Variants in NALF1 observed in about 807,000 individuals in gnomAD.
The protein encoded by NALF1 is NALCN channel auxiliary factor 1, also known as family with sequence similarity 155 member A.
Under a neutral mutation model 48.4 loss-of-function variants are expected in NALF1, and 3 were observed. The observed-to-expected ratio is 0.06, with a 90% CI of 0.03 to 0.16. The LOEUF (loss-of-function observed/expected upper bound fraction) is 0.16. Ranked by LOEUF, NALF1 falls within the 10% of genes least tolerant of loss-of-function variation. The pLI is 1.00. For missense variants in NALF1, 526 were observed against 571.5 expected (o/e 0.92, Z 0.81); for synonymous variants, 262 against 245.7 (o/e 1.07, Z -0.62).
intron 1 of NALF1, among the ~76,000 whole-genome samples, chr13:107,661,387 T>TA (rs1469082577): frequency 6.6e-6 from 1 of 152,222 alleles, no homozygotes; most frequent in African/African-American, 2.4e-5. Flanking sequence ...GGGAAAGCAC[T>TA]TACATAGCTT....
chr13:107,489,557 T>C (rs1277718181), intron 1 of NALF1, among the ~76,000 whole-genome samples: 1 of 152,174 alleles, frequency 6.6e-6, no homozygotes, highest in Non-Finnish European at 1.5e-5. Context: ...CTGGGATAAC[T>C]GGCTAGTCAC....
chr13:107,253,850 C>T (rs2138847108), intron 1 of NALF1, among the ~76,000 whole-genome samples: 1 of 152,210 alleles, frequency 6.6e-6, no homozygotes, highest in East Asian at 1.9e-4. Context: ...TTCAGAGGGC[C>T]TTTCCTCTCA....
intron 1 of NALF1, among the ~76,000 whole-genome samples, chr13:107,730,727 A>G (rs1876287268): frequency 6.6e-6 from 1 of 152,220 alleles, no homozygotes; most frequent in South Asian, 2.1e-4. Context: ...GACTGCATGG[A>G]CTTAGGCAAC....
intron 1 of NALF1, among the ~76,000 whole-genome samples, chr13:107,333,742 C>A (rs1882509409): frequency 6.6e-6 from 1 of 152,174 alleles, no homozygotes; most frequent in African/African-American, 2.4e-5. Context: ...GCTTCAATCC[C>A]AAAGCAAGTG....
chr13:107,210,792 G>C, intron 1 of NALF1, 37 bp from the exon 2 acceptor site: 1 of 1,485,276 alleles, frequency 6.7e-7, no homozygotes, highest in Non-Finnish European at 9.4e-7. Flanking sequence ...ATAGAGGCGT[G>C]ACAACAGTTA....
At chr13:107,306,144 T>G (rs1393029201) in intron 1 of NALF1, among the ~76,000 whole-genome samples, 6 of 152,194 alleles carry the variant, frequency 3.9e-5, no homozygotes. Flanking sequence ...TTTAAAATTA[T>G]CCCACAGTAA....
At chr13:107,734,401 TAAA>T (rs67690511) in intron 1 of NALF1, among the ~76,000 whole-genome samples, 2 of 146,532 alleles carry the variant, frequency 1.4e-5, no homozygotes, top group African/African-American at 2.5e-5. Context: ...ATTTTTCCTT[TAAA>T]AAAAAACACA....
intron 1 of NALF1, among the ~76,000 whole-genome samples, chr13:107,539,111 T>C (rs1876926124): frequency 6.6e-6 from 1 of 151,900 alleles, no homozygotes; most frequent in Admixed American, 6.6e-5. Flanking sequence ...TACTAGGCTG[T>C]GGTAGGCTAT....
intron 1 of NALF1, among the ~76,000 whole-genome samples, chr13:107,271,174 A>G (rs1176807005): frequency 6.6e-6 from 1 of 152,218 alleles, no homozygotes; most frequent in Non-Finnish European, 1.5e-5. Flanking sequence ...ATTATGTAAC[A>G]TTACATGAAA....
chr13:107,418,850 C>G (rs774787843), intron 1 of NALF1, among the ~76,000 whole-genome samples: 2 of 152,146 alleles, frequency 1.3e-5, no homozygotes, highest in African/African-American at 2.4e-5. Flanking sequence ...CTTACACGTA[C>G]TCAAAATCTA....
intron 1 of NALF1, among the ~76,000 whole-genome samples, chr13:107,298,023 C>A (rs1171358180): frequency 1.3e-5 from 2 of 152,068 alleles, no homozygotes; most frequent in African/African-American, 4.8e-5. Context: ...TATTCAAAAC[C>A]ATTTCAATAT....
At chr13:107,838,734 G>T (rs1284198755) in intron 1 of NALF1, among the ~76,000 whole-genome samples, 1 of 152,070 alleles carries the variant, frequency 6.6e-6, no homozygotes, top group Non-Finnish European at 1.5e-5. Context: ...GATCTCACTT[G>T]GTTTAAAAAA....
intron 1 of NALF1, among the ~76,000 whole-genome samples, chr13:107,741,623 G>A (rs1418779636): frequency 6.6e-6 from 1 of 152,104 alleles, no homozygotes; most frequent in Non-Finnish European, 1.5e-5. Flanking sequence ...CTGAAACACT[G>A]CATTTAGAAA....
intron 1 of NALF1, among the ~76,000 whole-genome samples, chr13:107,339,245 A>C (rs895726241): frequency 6.6e-6 from 1 of 151,372 alleles, no homozygotes; most frequent in Non-Finnish European, 1.5e-5. Context: ...TCTTCTTCTT[A>C]TTGTTTGGTT....
intron 1 of NALF1, among the ~76,000 whole-genome samples, chr13:107,302,483 A>C (rs1319214859): frequency 6.6e-6 from 1 of 152,104 alleles, no homozygotes; most frequent in African/African-American, 2.4e-5. Flanking sequence ...TTGCTGAATT[A>C]TAAGCTGTGA....
intron 2 of NALF1, among the ~76,000 whole-genome samples, chr13:107,179,267 A>C (rs1470214585): frequency 6.6e-6 from 1 of 152,232 alleles, no homozygotes; most frequent in Non-Finnish European, 1.5e-5. Context: ...AGGCACAGAA[A>C]GAAAAACTTT....
chr13:107,375,889 C>T (rs1883326973), intron 1 of NALF1, among the ~76,000 whole-genome samples: 1 of 151,968 alleles, frequency 6.6e-6, no homozygotes, highest in South Asian at 2.1e-4. Context: ...GATGCCCCCT[C>T]CCGATAGTCA....
intron 1 of NALF1, among the ~76,000 whole-genome samples, chr13:107,671,806 T>C (rs1326848648): frequency 2.0e-5 from 3 of 152,064 alleles, no homozygotes; most frequent in Non-Finnish European, 2.9e-5. Context: ...ACAGGTTAGG[T>C]TGATGCAACA....
At position 107,215,710 on chromosome 13, in the gene NALF1, A is replaced by G. The variant is rs545949685; in HGVS notation, c.916-4955T>C. 2.0e-5 allele frequency among the ~76,000 whole-genome samples: 3 copies of G among 152,302 alleles called. No individual in the cohort carries two copies. The South Asian group carries it at 6.2e-4, about 32-fold the overall frequency. On this transcript the variant is annotated intron_variant, in intron 1 of 2. Coordinates refer to ENST00000375915, the MANE Select transcript of NALF1 (RefSeq NM_001080396.3). ...CACGGGACCAGGATCACCATGGTTA[A>G]CAATGGTGCCATATAGACAGCTGGC...
Sources: gnomAD v4.1 joint callset for allele counts (sites outside exome capture counted in the v4.1 genomes callset) on GRCh38, gnomAD v4.1.1 for gene constraint, MANE v1.5 for transcripts, NCBI Gene and HGNC (gene_info 2026-07-23, HGNC 2026-07-21) for gene names.